The following ALAS2 variants were observed in gnomAD, a reference collection of about 807,000 sequenced individuals.
ALAS2 encodes 5-aminolevulinate synthase, erythroid-specific, mitochondrial.
Under a neutral mutation model 33.7 loss-of-function variants are expected in ALAS2, and 3 were observed. That is an observed-to-expected ratio of 0.09 (90% confidence interval 0.04 to 0.23). ALAS2 has a LOEUF of 0.23. Ranked by LOEUF, ALAS2 falls within the 10% of genes least tolerant of loss-of-function variation. The pLI, the probability that ALAS2 is intolerant of heterozygous loss-of-function variation, is 1.00. For missense variants in ALAS2, 304 were observed against 475.1 expected, an observed-to-expected ratio of 0.64 and a Z score of 3.35; for synonymous variants, 191 against 177.3, an observed-to-expected ratio of 1.08 and a Z score of -0.61.
At chrX:55,027,822 G>T in intron 1 of ALAS2, 1 of 1,208,433 alleles carries the variant, frequency 8.3e-7, no homozygotes, top group Non-Finnish European at 1.1e-6. Context: ...TGTCACAGCA[G>T]CCTGGGTTGG....
intron 6 of ALAS2, 29 bp from the exon 7 acceptor site, chrX:55,017,694 C>G: frequency 8.3e-7 from 1 of 1,200,540 alleles, no homozygotes; most frequent in South Asian, 1.8e-5. Context: ...AATCCTTAAG[C>G]TTCTGTCCCA....
chrX:55,027,730 G>T lies in ALAS2; in HGVS notation c.-15-1715C>A, dbSNP rs1440327043. 5.0e-6 allele frequency: 6 copies of T among 1,206,260 alleles called. No individual in the cohort carries two copies. The African/African-American group carries it at 1.1e-4, about 21-fold the overall frequency. On this transcript the variant is annotated intron_variant, in intron 1 of 10. Coordinates refer to ENST00000650242, the MANE Select transcript of ALAS2 (RefSeq NM_000032.5). ...ATCTCCCTCCCTTCCTGATCTCATA[G>T]AACAAGCACCCTCCCCGTACCTCAC... is the stretch of plus-strand genomic sequence containing the variant.
Position 55,021,099 on chromosome X carries a change from A to G in ALAS2, c.591T>C (p.Asn197=), listed in dbSNP as rs1225701138. Residue 197 remains asparagine (N), a synonymous_variant, in exon 5 of 11, where the codon AAT becomes AAC. Transcript: ENST00000650242. ...GGTGTCGGCTCATGCCCAGGTAATC[A>G]TTACTACACCAGACGGACACATCCT... ...ASKDVSVWCS[N]DYLGMSRHPQ... The G allele has an allele frequency of 5.0e-6, 6 of 1,209,491 alleles. No individual in the cohort carries two copies. The highest frequency in any genetic ancestry group is 6.7e-6 in the Non-Finnish European group (6 of 895,176).
At chrX:55,030,145 A>C (rs1020538874) in intron 1 of ALAS2, among the ~76,000 whole-genome samples, 1 of 111,585 alleles carries the variant, frequency 9.0e-6, no homozygotes, top group Non-Finnish European at 1.9e-5. Context: ...AAACAGGAAA[A>C]TTTAGAAGAT....
At chrX:55,022,668 T>TC (rs1935822363) in intron 4 of ALAS2, among the ~76,000 whole-genome samples, 1 of 111,713 alleles carries the variant, frequency 9.0e-6, no homozygotes, top group African/African-American at 3.3e-5. Flanking sequence ...CCACTGAGTG[T>TC]TTATCCTGGA....
Position 55,015,748 on chromosome X carries a change from C to A in ALAS2, c.1004-6G>T, listed in dbSNP as rs920102379. 5.0e-6 allele frequency: 6 copies of A among 1,210,741 alleles called. No individual in the cohort carries two copies. The highest frequency in any genetic ancestry group is 5.6e-6 in the Non-Finnish European group (5 of 894,961). ...CTCGAGGGGACAGATGGCACCTGAG[C>A]AAAGCCAAGGGATAGAGGTAGGACA... On this transcript the variant is annotated splice_region_variant and splice_polypyrimidine_tract_variant and intron_variant, in intron 7 of 10. Transcript: ENST00000650242.
chrX:55,021,201 A>G lies in ALAS2; in HGVS notation c.489T>C (p.Arg163=), dbSNP rs1008429241. 8.3e-7 allele frequency: 1 copy of G among 1,210,081 alleles called. No homozygotes were observed. Among genetic ancestry groups the G allele is most frequent in the Non-Finnish European group, 1.1e-6 (1 of 895,097 alleles). The change falls in exon 5 of 11, where the codon CGT becomes CGC. Residue 163 remains arginine (R), a synonymous_variant. Transcript: ENST00000650242. ...CCCAGCGGTTCACAGTCTTGAACAC[A>G]CGGTAGGTGTGATCCTGTTTCTTCT... ...IMEKKQDHTY[R]VFKTVNRWAD...
intron 2 of ALAS2, 121 bp from the exon 3 acceptor site, chrX:55,024,961 G>A: frequency 2.1e-6 from 2 of 941,973 alleles, no homozygotes; most frequent in Non-Finnish European, 3.0e-6. Context: ...GAGACACAGA[G>A]ATAGATGAGT....
At chrX:55,009,946 T>A (rs1935572540) in intron 10 of ALAS2, among the ~76,000 whole-genome samples, 1 of 111,644 alleles carries the variant, frequency 9.0e-6, no homozygotes. Flanking sequence ...CAATCTTGTA[T>A]ATCCAATGGC....
chrX:55,023,471 A>G (rs1701221593), intron 4 of ALAS2, among the ~76,000 whole-genome samples: 1 of 111,044 alleles, frequency 9.0e-6, no homozygotes, highest in South Asian at 3.8e-4. Flanking sequence ...AGAAGAAATA[A>G]TGGAAATAAG....
chrX:55,022,023 C>T (rs1935812832), intron 4 of ALAS2, among the ~76,000 whole-genome samples: 1 of 112,101 alleles, frequency 8.9e-6, no homozygotes, highest in Non-Finnish European at 1.9e-5. Flanking sequence ...GACAACTTGA[C>T]CAGGGTCATG....
chrX:55,019,710 A>G (rs754383693), intron 6 of ALAS2, among the ~76,000 whole-genome samples: 1 of 111,820 alleles, frequency 8.9e-6, no homozygotes, highest in South Asian at 3.8e-4. Context: ...GAAGGACAAC[A>G]AGGCGTATGA....
chrX:55,020,682 C>T (rs1189277273), intron 5 of ALAS2, among the ~76,000 whole-genome samples, 178 bp from the exon 6 acceptor site: 3 of 111,310 alleles, frequency 2.7e-5, no homozygotes, highest in Non-Finnish European at 5.7e-5. Context: ...ATGTGCCTTC[C>T]TTCTAGGACT....
At chrX:55,021,960 G>T (rs1226250894) in intron 4 of ALAS2, among the ~76,000 whole-genome samples, 1 of 112,014 alleles carries the variant, frequency 8.9e-6, no homozygotes, top group Non-Finnish European at 1.9e-5. Flanking sequence ...TCCATGGACA[G>T]TTCTATTAGT....
At chrX:55,010,815 C>A (rs1283581819) in intron 10 of ALAS2, among the ~76,000 whole-genome samples, 1 of 111,634 alleles carries the variant, frequency 9.0e-6, no homozygotes, top group East Asian at 2.8e-4. Context: ...TTTTTACTAC[C>A]CCTTCCACTA....
intron 6 of ALAS2, among the ~76,000 whole-genome samples, chrX:55,018,301 A>T (rs1439021946): frequency 9.0e-6 from 1 of 111,305 alleles, no homozygotes; most frequent in East Asian, 2.8e-4. Context: ...GGGCATGTGA[A>T]ATTGGTAGAG....
chrX:55,027,195 T>C (rs1935907246), intron 1 of ALAS2, among the ~76,000 whole-genome samples: 5 of 110,558 alleles, frequency 4.5e-5, no homozygotes, highest in Admixed American at 2.9e-4. Flanking sequence ...CAAAGATTCA[T>C]AGAAGTGAGA....
intron 10 of ALAS2, among the ~76,000 whole-genome samples, chrX:55,010,424 C>T (rs964072526): frequency 9.0e-6 from 1 of 111,552 alleles, no homozygotes; most frequent in South Asian, 3.8e-4. Context: ...TTCTAATGGC[C>T]TACCATACCC....
chrX:55,016,292 G>T (rs1370511869), intron 7 of ALAS2, among the ~76,000 whole-genome samples: 1 of 111,167 alleles, frequency 9.0e-6, no homozygotes, highest in Non-Finnish European at 1.9e-5. Flanking sequence ...AGTCTCAGTG[G>T]TAGAAATATA....
Sources: allele counts gnomAD v4.1 joint callset (sites outside exome capture counted in the v4.1 genomes callset), GRCh38; gene constraint gnomAD v4.1.1; transcripts MANE v1.5; gene names NCBI Gene and HGNC (gene_info 2026-07-23, HGNC 2026-07-21).